PAK1: variants seen among roughly 807,000 people sequenced by gnomAD.
The protein encoded by PAK1 is p21 (RAC1) activated kinase 1.
PAK1 carries 29 observed loss-of-function variants against 67.4 expected under a neutral mutation model. That is an observed-to-expected ratio of 0.43 (90% CI 0.32 to 0.59). The LOEUF (loss-of-function observed/expected upper bound fraction) is 0.59. Among genes scored for constraint, PAK1 ranks in the 20% least tolerant of loss-of-function variants. PAK1 has a pLI of 0.07. For synonymous variants in PAK1, 223 were observed against 237.4 expected (o/e 0.94, Z 0.56); for missense variants, 337 against 670.7 (o/e 0.50, Z 5.50).
rs1592484912 is a variant in PAK1, at chr11:77,440,789, G to A, written c.-22+32763C>T. On this transcript the variant is annotated intron_variant, in intron 1 of 14. Transcript: ENST00000356341. ...ATGCATTGAAGCCACCAAAAAACAA[G>A]AGACCTTCTAAGCTGCTGGAAGCAA... Among the ~76,000 whole-genome samples the A allele has an allele frequency of 3.9e-5, 6 of 152,244 alleles. No individual in the cohort carries two copies. In the South Asian group the frequency reaches 1.2e-3, roughly 32 times the overall value.
At chr11:77,506,875 G>C in the PAK1 span, among the ~76,000 whole-genome samples, 2 of 152,020 alleles carry the variant, frequency 1.3e-5, no homozygotes, top group Non-Finnish European at 2.9e-5. Context: ...AGAAGCAAGG[G>C]ATAAAAACAG....
intron 1 of PAK1, among the ~76,000 whole-genome samples, chr11:77,432,331 A>T (rs1295819252): frequency 6.6e-6 from 1 of 152,246 alleles, no homozygotes; most frequent in Non-Finnish European, 1.5e-5. Context: ...CCCACAGTTA[A>T]TATCATACTA....
upstream of PAK1, among the ~76,000 whole-genome samples, chr11:77,478,515 G>A (rs1342187569): frequency 6.6e-6 from 1 of 152,092 alleles, no homozygotes; most frequent in Non-Finnish European, 1.5e-5. Flanking sequence ...GCCCAAGCCT[G>A]TAATCCTAGC....
intron 1 of PAK1, among the ~76,000 whole-genome samples, chr11:77,458,227 C>T (rs958495593): frequency 6.6e-6 from 1 of 152,088 alleles, no homozygotes; most frequent in Non-Finnish European, 1.5e-5. Context: ...GTTTATAATT[C>T]CTAATTTAAT....
At chr11:77,491,048 T>C in the PAK1 span, among the ~76,000 whole-genome samples, 2 of 151,616 alleles carry the variant, frequency 1.3e-5, no homozygotes. Context: ...CACTTGTTTA[T>C]CTGCTGACCT....
intron 1 of PAK1, among the ~76,000 whole-genome samples, chr11:77,417,806 C>T (rs1955050236): frequency 6.6e-6 from 1 of 151,602 alleles, no homozygotes; most frequent in African/African-American, 2.4e-5. Context: ...GTGATCCTGG[C>T]TCACTGCAAC....
chr11:77,410,654 G>A (rs1280985664), intron 1 of PAK1, among the ~76,000 whole-genome samples: 1 of 151,762 alleles, frequency 6.6e-6, no homozygotes, highest in African/African-American at 2.4e-5. Context: ...GGAAGCATGA[G>A]GGGAGGAGGA....
chr11:77,497,985 A>G, the PAK1 span, among the ~76,000 whole-genome samples: 2 of 152,214 alleles, frequency 1.3e-5, no homozygotes, highest in African/African-American at 4.8e-5. Flanking sequence ...TTTTCATAAA[A>G]TAATACTTAA....
At chr11:77,380,042 T>C (rs1437322527) in intron 2 of PAK1, 48 bp from the exon 3 acceptor site, 1 of 1,430,158 alleles carries the variant, frequency 7.0e-7, no homozygotes, top group African/African-American at 1.4e-5. Flanking sequence ...AACATTATTG[T>C]TTTTAGGCTT....
At chr11:77,452,812 T>G (rs1020063819) in intron 1 of PAK1, among the ~76,000 whole-genome samples, 2 of 151,576 alleles carry the variant, frequency 1.3e-5, no homozygotes, top group Admixed American at 1.3e-4. Flanking sequence ...GAGTAAAGAG[T>G]GTGTTCATGG....
At chr11:77,489,075 A>C in the PAK1 span, among the ~76,000 whole-genome samples, 4 of 152,204 alleles carry the variant, frequency 2.6e-5, no homozygotes, top group Non-Finnish European at 4.4e-5. Flanking sequence ...AATAACATAC[A>C]GTGGAGCTCT....
intron 3 of PAK1, 164 bp from the exon 4 acceptor site, chr11:77,379,552 T>C: frequency 1.6e-6 from 1 of 632,314 alleles, no homozygotes; most frequent in South Asian, 2.1e-5. Flanking sequence ...TTATAATATC[T>C]TTCTCATTGA....
At chr11:77,348,821 G>A (rs191970498) in intron 9 of PAK1, among the ~76,000 whole-genome samples, 29 of 152,200 alleles carry the variant, frequency 1.9e-4, no homozygotes, top group African/African-American at 7.0e-4. Flanking sequence ...GTATGCTACA[G>A]TAAGAAACTA....
chr11:77,474,440 T>G (rs1006075406), upstream of PAK1: 1 of 152,152 alleles, frequency 6.6e-6, no homozygotes, highest in African/African-American at 2.4e-5. Flanking sequence ...CGGTCCGCTG[T>G]CCGTGGCGGG....
the PAK1 span, among the ~76,000 whole-genome samples, chr11:77,500,991 A>G: frequency 6.6e-6 from 1 of 151,416 alleles, no homozygotes; most frequent in African/African-American, 2.4e-5. Flanking sequence ...CAAAAACCCA[A>G]TCCCGGGTAA....
At chr11:77,378,093 G>A (rs965414452) in intron 4 of PAK1, among the ~76,000 whole-genome samples, 5 of 152,128 alleles carry the variant, frequency 3.3e-5, no homozygotes, top group Admixed American at 3.3e-4. Flanking sequence ...AGTTCATCCT[G>A]GTTCTCACCT....
At chr11:77,520,690 G>A in the PAK1 span, among the ~76,000 whole-genome samples, 1 of 152,096 alleles carries the variant, frequency 6.6e-6, no homozygotes, top group African/African-American at 2.4e-5. Flanking sequence ...GAGGACAGAG[G>A]AGGAAAAAGG....
chr11:77,500,997 G>A, the PAK1 span, among the ~76,000 whole-genome samples: 1 of 151,192 alleles, frequency 6.6e-6, no homozygotes, highest in Non-Finnish European at 1.5e-5. Context: ...CCCAATCCCG[G>A]GTAATTAGCC....
At position 77,323,077 on chromosome 11, in the gene PAK1, T is replaced by C; in HGVS notation, c.*197A>G. On this transcript the variant is annotated 3_prime_UTR_variant, in exon 15 of 15. Coordinates refer to ENST00000356341, the MANE Select transcript of PAK1 (RefSeq NM_002576.5). ...GAAATTCCTTATTTAGAAATGGCCATCATCTGATTAGTCATTCAGTTGCAG... is the reference window on the plus strand; with the variant it reads ...GAAATTCCTTATTTAGAAATGGCCACCATCTGATTAGTCATTCAGTTGCAG... The C allele has an allele frequency of 1.0e-6, 1 of 953,084 alleles. No homozygotes were observed. The allele number at this position is 953,084 out of a possible 1,614,324, so 59.0% of individuals were successfully genotyped here.
Sources: gnomAD v4.1 joint callset for allele counts (sites outside exome capture counted in the v4.1 genomes callset) on GRCh38, gnomAD v4.1.1 for gene constraint, MANE v1.5 for transcripts, NCBI Gene and HGNC (gene_info 2026-07-23, HGNC 2026-07-21) for gene names.